Variants in CYB561 observed in about 807,000 individuals in gnomAD.
CYB561 encodes transmembrane ascorbate-dependent reductase CYB561.
CYB561 carries 11 observed loss-of-function variants against 25.3 expected under a neutral mutation model. The observed-to-expected ratio is 0.44, with a 90% confidence interval of 0.27 to 0.72. The LOEUF (loss-of-function observed/expected upper bound fraction) is 0.72. CYB561 is among the 30% of genes least tolerant of loss of function. CYB561 has a pLI of 0.18. For synonymous variants in CYB561, 165 were observed against 158.8 expected (o/e 1.04, Z -0.29); for missense variants, 295 against 334.9 (o/e 0.88, Z 0.93).
intron 1 of CYB561, among the ~76,000 whole-genome samples, chr17:63,443,164 T>C (rs1454362054): frequency 6.6e-6 from 1 of 152,096 alleles, no homozygotes; most frequent in Non-Finnish European, 1.5e-5. Context: ...GCTATTAGGG[T>C]ACTTTCTTAG....
At chr17:63,444,644 G>A (rs1695771054) in intron 1 of CYB561, among the ~76,000 whole-genome samples, 1 of 152,188 alleles carries the variant, frequency 6.6e-6, no homozygotes, top group African/African-American at 2.4e-5. Context: ...CCAAGCAGAA[G>A]CTCCTGGGGC....
chr17:63,440,391 T>C (rs1179907653), intron 1 of CYB561, among the ~76,000 whole-genome samples: 2 of 152,072 alleles, frequency 1.3e-5, no homozygotes, highest in Non-Finnish European at 2.9e-5. Flanking sequence ...CTCCTGAGCA[T>C]CCTCACTGCC....
intron 1 of CYB561, chr17:63,438,326 G>C (rs1367186805): frequency 2.3e-6 from 2 of 882,066 alleles, no homozygotes; most frequent in Non-Finnish European, 3.5e-6. Flanking sequence ...CTTTTCTCCA[G>C]ACGCGTCATG....
In CYB561 at chr17:63,437,720, C is replaced by T. The variant is rs568135778; in HGVS notation, c.-13-160G>A. On this transcript the variant is annotated intron_variant, in intron 1 of 5. Coordinates refer to ENST00000360793, the MANE Select transcript of CYB561 (RefSeq NM_001915.4). ...CGCCCCCGGAGATAAGCACGGTCCC[C>T]CCAGATATGCACAGCCCCCCCCGAA... The T allele has an allele frequency of 6.0e-4, 306 of 508,024 alleles. 1 individual carries two copies. In the African/African-American group the frequency reaches 6.9e-3, roughly 12 times the overall value. 31.5% of individuals were successfully genotyped at this position (508,024 alleles called of 1,614,324 possible).
At chr17:63,442,082 C>T (rs905741329) in intron 1 of CYB561, among the ~76,000 whole-genome samples, 3 of 152,234 alleles carry the variant, frequency 2.0e-5, no homozygotes, top group Non-Finnish European at 4.4e-5. Flanking sequence ...GGAATGACAG[C>T]AGCCTGCTTC....
chr17:63,446,309 G>C (rs900471497), upstream of CYB561: 1 of 151,958 alleles, frequency 6.6e-6, no homozygotes, highest in South Asian at 2.1e-4. Context: ...CCGGTTCTGC[G>C]GGCCGTGGCG....
chr17:63,441,666 C>T (rs756721002), intron 1 of CYB561, among the ~76,000 whole-genome samples: 45 of 152,250 alleles, frequency 3.0e-4, no homozygotes, highest in Non-Finnish European at 6.2e-4. Context: ...GCATCTCTAG[C>T]TCTCCTGCCG....
chr17:63,435,367 C>T (rs62075016), intron 4 of CYB561, 124 bp from the exon 5 acceptor site: 1 of 1,078,588 alleles, frequency 9.3e-7, no homozygotes. Context: ...GCCTGGTTTC[C>T]TTCCTCCTCA....
Position 63,437,857 on chromosome 17 carries a change from C to G in CYB561, c.-13-297G>C, listed in dbSNP as rs1464900432. 7 of 341,950 alleles carry G rather than the reference C, an allele frequency of 2.0e-5. 1 individual carries two copies. In the Middle Eastern group the frequency reaches 3.8e-3, roughly 187 times the overall value. 21.2% of individuals were successfully genotyped at this position (341,950 alleles called of 1,614,324 possible). A position where few individuals can be genotyped will look rare whatever the true frequency, so the allele number is the denominator to read the frequency against. On this transcript the variant is annotated intron_variant, in intron 1 of 5. Transcript: ENST00000360793. ...AGATGGGCACAGCCCCCCCGAGATG[C>G]ACACAGCACCCCCAGATGCGAGCAG...
At chr17:63,438,451 C>A in intron 1 of CYB561, 1 of 518,754 alleles carries the variant, frequency 1.9e-6, no homozygotes, top group Non-Finnish European at 3.5e-6. Context: ...CCCGCTCCCC[C>A]CACGCCCCCG....
At chr17:63,444,723 G>A (rs60234517) in intron 1 of CYB561, among the ~76,000 whole-genome samples, 78,283 of 152,090 alleles carry the variant, frequency 0.51, 20,986 homozygotes, top group African/African-American at 0.64. Flanking sequence ...TTTATGAATT[G>A]TTCAGACAGT....
At chr17:63,437,004 A>G (rs2049309679) in intron 2 of CYB561, 1 of 348,618 alleles carries the variant, frequency 2.9e-6, no homozygotes, top group Non-Finnish European at 5.3e-6. Flanking sequence ...ACTCTCACAT[A>G]TGATTACTTT....
At chr17:63,438,006 AGCGCTC>A in intron 1 of CYB561, 1 of 699,542 alleles carries the variant, frequency 1.4e-6, no homozygotes, top group Non-Finnish European at 1.9e-6. Context: ...CGCTGGAAGC[AGCGCTC>A]GCTCTCCTAC....
At chr17:63,437,828 C>G in intron 1 of CYB561, 1 of 500,592 alleles carries the variant, frequency 2.0e-6, no homozygotes, top group Non-Finnish European at 3.5e-6. Flanking sequence ...ACAGCCACCC[C>G]GCTAGATGGG....
At chr17:63,435,322 C>G (rs1387162423) in intron 4 of CYB561, 79 bp from the exon 5 acceptor site, 1 of 1,493,658 alleles carries the variant, frequency 6.7e-7, no homozygotes, top group Admixed American at 1.9e-5. Flanking sequence ...CCCACACCCA[C>G]GTGCCCACGT....
intron 1 of CYB561, among the ~76,000 whole-genome samples, chr17:63,445,455 C>T (rs140756279): frequency 7.3e-4 from 107 of 147,052 alleles, no homozygotes; most frequent in African/African-American, 2.5e-3. Flanking sequence ...ACTTCATTTA[C>T]GGAGTCAGAA....
intron 4 of CYB561, 165 bp from the exon 5 acceptor site, chr17:63,435,408 A>C (rs2049285771): frequency 1.4e-6 from 1 of 730,590 alleles, no homozygotes; most frequent in Non-Finnish European, 2.2e-6. Context: ...CTAAGCGCTT[A>C]GGGACAAGGG....
chr17:63,438,196 G>A (rs1341537262), intron 1 of CYB561: 1 of 1,535,760 alleles, frequency 6.5e-7, no homozygotes, highest in South Asian at 1.2e-5. Context: ...GTGAGCTCAA[G>A]GGCCCAGTGC....
chr17:63,443,126 A>G (rs1394491500), intron 1 of CYB561, among the ~76,000 whole-genome samples: 1 of 152,184 alleles, frequency 6.6e-6, no homozygotes, highest in East Asian at 1.9e-4. Flanking sequence ...CTAGCATGTG[A>G]TGAAGGAGAA....
Sources: allele counts gnomAD v4.1 joint callset (sites outside exome capture counted in the v4.1 genomes callset), GRCh38; gene constraint gnomAD v4.1.1; transcripts MANE v1.5; gene names NCBI Gene and HGNC (gene_info 2026-07-23, HGNC 2026-07-21).